The following TACC1 variants were observed in gnomAD, a reference collection of about 807,000 sequenced individuals.
TACC1 encodes transforming acidic coiled-coil containing protein 1, also known as transforming acidic coiled-coil-containing protein 1.
TACC1 carries 48 observed loss-of-function variants against 84.4 expected under a neutral mutation model. That is an observed-to-expected ratio of 0.57 (90% CI 0.45 to 0.72). The LOEUF (loss-of-function observed/expected upper bound fraction) is 0.72, where lower values mean the gene tolerates loss of function less well. Among genes scored for constraint, TACC1 ranks in the 30% least tolerant of loss-of-function variants. TACC1 has a pLI of 0.00. For synonymous variants in TACC1, 372 were observed against 376.3 expected, an observed-to-expected ratio of 0.99 and a Z score of 0.13; for missense variants, 920 against 973.0, an observed-to-expected ratio of 0.95 and a Z score of 0.72.
chr8:38,785,715 G>A (rs1563458542), upstream of TACC1: 1 of 985,336 alleles, frequency 1.0e-6, no homozygotes, highest in Non-Finnish European at 1.2e-6. Flanking sequence ...CTGGGGGACT[G>A]TAGAACCTGA....
chr8:38,792,155 G>A (rs1818815878), intron 2 of TACC1, among the ~76,000 whole-genome samples: 1 of 152,230 alleles, frequency 6.6e-6, no homozygotes, highest in Admixed American at 6.5e-5. Flanking sequence ...GGGCTGGTCT[G>A]TATTTGCTAT....
rs538859593 is a variant in TACC1, at chr8:38,797,809, C to A, written c.277+8990C>A. 6.6e-5 allele frequency among the ~76,000 whole-genome samples: 10 copies of A among 152,368 alleles called. No individual in the cohort carries two copies. The South Asian group carries it at 2.1e-3, about 32-fold the overall frequency. ...GGAGCCCCATCTGTTAGCACGTGCT[C>A]TTTCCCCCCTTGCTCTTCCTGCCAG... On this transcript the variant is annotated intron_variant, in intron 2 of 12. Coordinates refer to ENST00000317827, the MANE Select transcript of TACC1 (RefSeq NM_006283.3).
At chr8:38,844,444 G>A (rs982089227) in intron 11 of TACC1, among the ~76,000 whole-genome samples, 16 of 152,110 alleles carry the variant, frequency 1.1e-4, no homozygotes, top group Non-Finnish European at 2.2e-4. Flanking sequence ...AAAGTGCTGG[G>A]ATTACAGGTG....
intron 3 of TACC1, among the ~76,000 whole-genome samples, chr8:38,753,780 T>C (rs1228731651): frequency 6.6e-6 from 1 of 152,208 alleles, no homozygotes; most frequent in Non-Finnish European, 1.5e-5. Context: ...CAAGCATCTT[T>C]GCAGAGATGC....
chr8:38,738,018 C>T (rs1170243679), intron 1 of TACC1, among the ~76,000 whole-genome samples: 2 of 152,034 alleles, frequency 1.3e-5, no homozygotes, highest in African/African-American at 4.8e-5. Flanking sequence ...TGAGTCACTG[C>T]GCCCGGCCTG....
chr8:38,796,942 T>C (rs1820143492), intron 2 of TACC1, among the ~76,000 whole-genome samples: 1 of 152,240 alleles, frequency 6.6e-6, no homozygotes, highest in African/African-American at 2.4e-5. Context: ...CTGGGTGGTG[T>C]GGCTCAGGTC....
At chr8:38,792,657 G>A (rs989770079) in intron 2 of TACC1, among the ~76,000 whole-genome samples, 4 of 152,146 alleles carry the variant, frequency 2.6e-5, no homozygotes, top group Non-Finnish European at 5.9e-5. Context: ...AGTAGAGACG[G>A]GGTTTCACCG....
At chr8:38,749,701 C>G (rs1446784327) in intron 3 of TACC1, among the ~76,000 whole-genome samples, 1 of 152,092 alleles carries the variant, frequency 6.6e-6, no homozygotes. Context: ...AAGCGATTCT[C>G]CTGCCTCAGC....
chr8:38,839,475 T>G (rs1482500725), intron 8 of TACC1: 4 of 361,746 alleles, frequency 1.1e-5, no homozygotes, highest in Non-Finnish European at 2.0e-5. Flanking sequence ...GCTCTTTTAT[T>G]ATTTGTCTTT....
chr8:38,793,119 A>G (rs1819140796), intron 2 of TACC1, among the ~76,000 whole-genome samples: 1 of 152,154 alleles, frequency 6.6e-6, no homozygotes, highest in Non-Finnish European at 1.5e-5. Flanking sequence ...CACCCTTGGA[A>G]CAACTCGTTA....
intron 3 of TACC1, among the ~76,000 whole-genome samples, chr8:38,776,415 A>G (rs1814802537): frequency 1.3e-5 from 2 of 152,224 alleles, no homozygotes; most frequent in South Asian, 2.1e-4. Flanking sequence ...TCATTGAGAT[A>G]CAGGTAGAGT....
At position 38,848,751 on chromosome 8, in the gene TACC1, G is replaced by C. The variant is rs893105037; in HGVS notation, c.*728G>C. On this transcript the variant is annotated 3_prime_UTR_variant, in exon 13 of 13. Transcript: ENST00000317827. ...TCTGGAGAAGACTATTTGCCATGAC[G>C]TTTTGTTGCCCTGGTATTTGGACAC... The C allele has an allele frequency of 6.6e-5, 10 of 152,306 alleles. No homozygotes were observed. Among genetic ancestry groups the C allele is most frequent in the African/African-American group, 2.4e-4 (10 of 41,456 alleles). The allele number at this position is 152,306 out of a possible 1,614,324, so 9.4% of individuals were successfully genotyped here. A position where few individuals can be genotyped will look rare whatever the true frequency, so the allele number is the denominator to read the frequency against.
At chr8:38,833,213 A>G (rs1829602868) in intron 6 of TACC1, among the ~76,000 whole-genome samples, 1 of 152,224 alleles carries the variant, frequency 6.6e-6, no homozygotes, top group Non-Finnish European at 1.5e-5. Context: ...GCCTGAAGCC[A>G]TAGTTTTTAG....
chr8:38,731,780 T>C (rs974863153), intron 1 of TACC1, among the ~76,000 whole-genome samples: 2 of 137,458 alleles, frequency 1.5e-5, no homozygotes, highest in African/African-American at 5.2e-5. Flanking sequence ...AACTAGTCTT[T>C]AGGGTTGGCA....
intron 1 of TACC1, among the ~76,000 whole-genome samples, chr8:38,739,487 C>T (rs1403860414): frequency 6.6e-6 from 1 of 152,202 alleles, no homozygotes; most frequent in Non-Finnish European, 1.5e-5. Context: ...TAACGGACTC[C>T]ACTCATTCCT....
At chr8:38,786,546 T>C (rs1817179379), upstream of TACC1, among the ~76,000 whole-genome samples, 1 of 152,080 alleles carries the variant, frequency 6.6e-6, no homozygotes, top group Non-Finnish European at 1.5e-5. Flanking sequence ...GTATTTTAAA[T>C]AAATAAATAT....
intron 3 of TACC1, among the ~76,000 whole-genome samples, chr8:38,755,228 T>G (rs1297310595): frequency 1.3e-5 from 2 of 152,000 alleles, no homozygotes; most frequent in Non-Finnish European, 2.9e-5. Flanking sequence ...TGATTCTTTC[T>G]GGAACAACTA....
At chr8:38,825,493 G>T in intron 4 of TACC1, 125 bp downstream of exon 4, 1 of 947,926 alleles carries the variant, frequency 1.1e-6, no homozygotes, top group Non-Finnish European at 1.7e-6. Flanking sequence ...GCTTTAAGAA[G>T]CCAATTTCCA....
Position 38,820,626 on chromosome 8 carries a change from G to A in TACC1, c.1382G>A (p.Arg461His), listed in dbSNP as rs775001474. 35 of 1,603,990 alleles carry A rather than the reference G, an allele frequency of 2.2e-5. No homozygotes were observed. The highest frequency in any genetic ancestry group is 4.0e-5 in the African/African-American group (3 of 74,904). ...GAATCACCCAAGAAGGCAAAGTCGC[G>A]TTTAATAACGTGAGTGACAGTGGGC... ...ILESPKKAKSRLITSGCKVKK... is the reference protein window; with the variant it reads ...ILESPKKAKSHLITSGCKVKK... Residue 461 changes from arginine (R) to histidine (H), a missense_variant, in exon 3 of 13, where the codon CGT (arginine) becomes CAT (histidine). Physicochemically the swap from Arg to His is conservative, Grantham distance 29. Around this residue, in one of 2 missense-constraint regions of TACC1, gnomAD observed 762 missense variants for 747.3 expected, o/e 1.02. Coordinates refer to ENST00000317827, the MANE Select transcript of TACC1 (RefSeq NM_006283.3).
Sources: gnomAD v4.1 joint callset for allele counts (sites outside exome capture counted in the v4.1 genomes callset) on GRCh38, gnomAD v4.1.1 for gene constraint, gnomAD v4.1.1 regional missense constraint, MANE v1.5 for transcripts, NCBI Gene and HGNC (gene_info 2026-07-23, HGNC 2026-07-21) for gene names.